PKN2: variants seen among roughly 807,000 people sequenced by gnomAD.
The protein encoded by PKN2 is serine/threonine-protein kinase N2.
Under a neutral mutation model 119.1 loss-of-function variants are expected in PKN2, and 38 were observed. That is an observed-to-expected ratio of 0.32 (90% CI 0.25 to 0.42). PKN2 has a LOEUF of 0.42. PKN2 is among the 10% of genes least tolerant of loss of function. The probability of loss-of-function intolerance (pLI) is 1.00; values close to 1 mark genes in which losing one functional copy is unlikely to be tolerated. For missense variants in PKN2, 850 were observed against 1,165.1 expected (o/e 0.73, Z 3.94); for synonymous variants, 390 against 384.9 (o/e 1.01, Z -0.15).
chr1:88,767,637 CATAGGTAT>C (rs1463369488), intron 3 of PKN2, among the ~76,000 whole-genome samples: 4 of 152,142 alleles, frequency 2.6e-5, no homozygotes, highest in Admixed American at 2.6e-4. Context: ...TATATCTAAA[CATAGGTAT>C]ATGTAGTCCG....
At chr1:88,815,705 G>A (rs1355860117) in intron 16 of PKN2, among the ~76,000 whole-genome samples, 2 of 152,304 alleles carry the variant, frequency 1.3e-5, no homozygotes, top group South Asian at 4.1e-4. Flanking sequence ...TATCTGCTCT[G>A]TAAAATATCT....
At chr1:88,735,624 A>T (rs1213030699) in intron 1 of PKN2, among the ~76,000 whole-genome samples, 4 of 45,924 alleles carry the variant, frequency 8.7e-5, no homozygotes, top group East Asian at 1.2e-3. Flanking sequence ...CCCACCCCCA[A>T]TCTTTTTTTT....
At chr1:88,739,537 G>GA (rs1324548802) in intron 1 of PKN2, among the ~76,000 whole-genome samples, 1 of 152,212 alleles carries the variant, frequency 6.6e-6, no homozygotes, top group South Asian at 2.1e-4. Flanking sequence ...AAAAATTAAA[G>GA]AAAATCTTTG....
intron 1 of PKN2, among the ~76,000 whole-genome samples, chr1:88,714,113 A>G (rs1165845324): frequency 1.3e-5 from 2 of 152,050 alleles, no homozygotes; most frequent in East Asian, 1.9e-4. Flanking sequence ...ATTATTTCTG[A>G]GGCCTCTGTT....
chr1:88,811,760 G>A (rs1261480459), intron 15 of PKN2, among the ~76,000 whole-genome samples: 1 of 152,030 alleles, frequency 6.6e-6, no homozygotes, highest in Non-Finnish European at 1.5e-5. Flanking sequence ...ACCATACAAA[G>A]CATAAAACCA....
At position 88,828,572 on chromosome 1, in the gene PKN2, T is replaced by C; in HGVS notation, c.2511T>C (p.Ala837=). 1 of 1,613,518 alleles carries C rather than the reference T, an allele frequency of 6.2e-7. No individual in the cohort carries two copies. Among genetic ancestry groups the C allele is most frequent in the Admixed American group, 1.7e-5 (1 of 60,014 alleles). Residue 837 remains alanine (A), a synonymous_variant, in exon 19 of 22, where the codon GCT becomes GCC. Transcript: ENST00000370521. The part of the protein sequence containing the change: ...EVLTETSYTR[A]VDWWGLGVLI... ...TAACAGAAACTTCTTATACAAGGGC[T>C]GTAGATTGGTGGGGCCTTGGCGTGC...
chr1:88,721,686 G>A (rs759263268), intron 1 of PKN2, among the ~76,000 whole-genome samples: 16 of 152,158 alleles, frequency 1.1e-4, no homozygotes, highest in Non-Finnish European at 1.9e-4. Flanking sequence ...CTTATTGGAT[G>A]CCCTTTTGTG....
At position 88,835,559 on chromosome 1, in the gene PKN2, TA is replaced by T. The variant is rs1557645450; in HGVS notation, c.*2112del. On this transcript the variant is annotated 3_prime_UTR_variant, in exon 22 of 22. Coordinates refer to ENST00000370521, the MANE Select transcript of PKN2 (RefSeq NM_006256.4). ...AGCACTAATTTTTTGTAGTTTAAAA[TA>T]TATATATATTTTAGTCAGATTTAAA... is the stretch of plus-strand genomic sequence containing the variant. The T allele has an allele frequency of 2.0e-5, 3 of 152,314 alleles. No individual in the cohort carries two copies. The allele number at this position is 152,314 out of a possible 1,614,324, so 9.4% of individuals were successfully genotyped here.
chr1:88,819,851 C>CT (rs1287875446), intron 16 of PKN2, among the ~76,000 whole-genome samples: 1 of 152,170 alleles, frequency 6.6e-6, no homozygotes, highest in East Asian at 1.9e-4. Context: ...AGTTCATGTC[C>CT]TTTGCAGGAC....
intron 6 of PKN2, among the ~76,000 whole-genome samples, chr1:88,780,662 A>G (rs1224670425): frequency 6.6e-6 from 1 of 152,156 alleles, no homozygotes; most frequent in Non-Finnish European, 1.5e-5. Flanking sequence ...GATACATTCA[A>G]CAAGTACTTG....
intron 1 of PKN2, among the ~76,000 whole-genome samples, chr1:88,733,201 T>C (rs1393336398): frequency 6.6e-6 from 1 of 152,224 alleles, no homozygotes; most frequent in East Asian, 1.9e-4. Flanking sequence ...TTTGGATATA[T>C]ATACCCAGTA....
intron 15 of PKN2, among the ~76,000 whole-genome samples, chr1:88,809,479 C>G (rs1671692092): frequency 1.3e-5 from 2 of 152,150 alleles, no homozygotes; most frequent in Non-Finnish European, 2.9e-5. Context: ...TTCTATTAAT[C>G]TTGATTTACG....
chr1:88,724,071 G>A (rs1049426873), intron 1 of PKN2, among the ~76,000 whole-genome samples: 7 of 152,094 alleles, frequency 4.6e-5, no homozygotes, highest in Non-Finnish European at 2.9e-5. Context: ...TTTAAGTTAG[G>A]TAACTATTTA....
intron 19 of PKN2, among the ~76,000 whole-genome samples, chr1:88,832,334 T>A (rs191325807): frequency 1.5e-3 from 232 of 152,170 alleles, no homozygotes; most frequent in African/African-American, 5.4e-3. Flanking sequence ...CTTCAGGATT[T>A]ATCTATTATC....
Position 88,833,131 on chromosome 1 carries a change from G to C in PKN2, c.2725G>C (p.Asp909His), listed in dbSNP as rs201403675. The C allele has an allele frequency of 6.2e-7, 1 of 1,612,990 alleles. No homozygotes were observed. Reference sequence around the variant, plus strand: ...TGGGGCTAGCGAGAAAGATGCAGAGGATGTAAAAAAGCACCCATTTTTCCG... The same window carrying C: ...TGGGGCTAGCGAGAAAGATGCAGAGCATGTAAAAAAGCACCCATTTTTCCG... ...RLGASEKDAE[D>H]VKKHPFFRLI... is the part of the protein sequence containing the mutation. The change falls in exon 21 of 22, where the codon GAT (aspartate) becomes CAT (histidine). Residue 909 changes from aspartate to histidine, a missense_variant. Around this residue, in one of 9 missense-constraint regions of PKN2, gnomAD observed 95 missense variants for 150.2 expected, o/e 0.63. Transcript: ENST00000370521.
chr1:88,748,402 AGTT>A (rs895326730), intron 2 of PKN2, among the ~76,000 whole-genome samples: 2 of 152,272 alleles, frequency 1.3e-5, no homozygotes, highest in Admixed American at 6.5e-5. Flanking sequence ...AATTCCTTCA[AGTT>A]GTTGTGTGTA....
chr1:88,831,756 ATT>A (rs1244695081), intron 19 of PKN2, among the ~76,000 whole-genome samples: 1 of 152,024 alleles, frequency 6.6e-6, no homozygotes, highest in Non-Finnish European at 1.5e-5. Context: ...GTAAGCCTAT[ATT>A]TCTTCAATAG....
In PKN2 at chr1:88,684,599, CG is replaced by C; in HGVS notation, c.25del (p.Glu9ArgfsTer20). ...GAGCGCAATGGCGTCCAACCCCGAA[CG>C]GGGGGAGATTCTGCTCACGGAACTG... Reference protein sequence around the residue: MASNPERGEILLTELQG... With the variant: MASNPEXGEILLTELQG... On this transcript the variant is annotated frameshift_variant, in exon 1 of 22. Coordinates refer to ENST00000370521, the MANE Select transcript of PKN2 (RefSeq NM_006256.4). LOFTEE classifies it high-confidence loss of function. 3.2e-6 allele frequency: 5 copies of C among 1,562,136 alleles called. No homozygotes were observed. Among genetic ancestry groups the C allele is most frequent in the Admixed American group, 1.9e-5 (1 of 53,672 alleles).
intron 16 of PKN2, among the ~76,000 whole-genome samples, chr1:88,821,030 T>C (rs948607961): frequency 2.6e-5 from 4 of 152,200 alleles, no homozygotes; most frequent in African/African-American, 9.6e-5. Flanking sequence ...TACCCAGCTT[T>C]TACATATCAT....
Sources: gnomAD v4.1 joint callset for allele counts (sites outside exome capture counted in the v4.1 genomes callset) on GRCh38, gnomAD v4.1.1 for gene constraint, gnomAD v4.1.1 regional missense constraint, MANE v1.5 for transcripts, NCBI Gene and HGNC (gene_info 2026-07-23, HGNC 2026-07-21) for gene names.